Variants in PCDHGA2 observed in about 807,000 individuals in gnomAD.
PCDHGA2 encodes protocadherin gamma-A2.
Under a neutral mutation model 59.2 loss-of-function variants are expected in PCDHGA2, and 40 were observed. That is an observed-to-expected ratio of 0.68 (90% CI 0.52 to 0.88). PCDHGA2 has a LOEUF of 0.88. Among genes scored for constraint, PCDHGA2 ranks in the 40% least tolerant of loss-of-function variants. The pLI is 0.00. For missense variants in PCDHGA2, 1,226 were observed against 1,204.0 expected (o/e 1.02, Z -0.27); for synonymous variants, 560 against 526.0 (o/e 1.06, Z -0.89).
chr5:141,412,942 A>G, intron 1 of PCDHGA2: 1 of 465,476 alleles, frequency 2.1e-6, no homozygotes, highest in Non-Finnish European at 3.8e-6. Flanking sequence ...TAGGACTCTG[A>G]GCGCCGCTGT....
At chr5:141,406,346 G>T (rs1296474677) in intron 1 of PCDHGA2, among the ~76,000 whole-genome samples, 2 of 152,092 alleles carry the variant, frequency 1.3e-5, no homozygotes, top group Non-Finnish European at 2.9e-5. Flanking sequence ...ATTTATTCAG[G>T]TCATACTATG....
rs773749954 is a variant in PCDHGA2, at chr5:141,339,245, CG to C, written c.277del (p.Glu93ArgfsTer12). The C allele has an allele frequency of 2.4e-5, 38 of 1,614,202 alleles. No homozygotes were observed. In the East Asian group the frequency reaches 8.0e-4, roughly 34 times the overall value. On this transcript the variant is annotated frameshift_variant, in exon 1 of 4. Coordinates refer to ENST00000394576, the MANE Select transcript of PCDHGA2 (RefSeq NM_018915.4). LOFTEE classifies it high-confidence loss of function. ...CTTGGTCACTGCGAACAGGATAGAC[CG>C]GGAGGAGCTCTGCGCTCAGAGCGCA... ...GSLVTANRID[R>X]EELCAQSAPC...
At chr5:141,415,114 G>T in intron 1 of PCDHGA2, 5 of 1,613,648 alleles carry the variant, frequency 3.1e-6, no homozygotes, top group Non-Finnish European at 4.2e-6. Flanking sequence ...GCAAAGCCTC[G>T]TAGTGGCCGT....
chr5:141,414,526 G>T, intron 1 of PCDHGA2: 1 of 1,613,912 alleles, frequency 6.2e-7, no homozygotes, highest in Non-Finnish European at 8.5e-7. Flanking sequence ...AGATATCAAT[G>T]ACAACCCACC....
intron 1 of PCDHGA2, chr5:141,387,914 G>A (rs1379719736): frequency 1.5e-5 from 22 of 1,487,626 alleles, no homozygotes; most frequent in Non-Finnish European, 1.8e-5. Context: ...AGCTGGGCCG[G>A]GCTGAGAGGC....
At chr5:141,355,427 C>A (rs778595998) in intron 1 of PCDHGA2, 1 of 1,614,082 alleles carries the variant, frequency 6.2e-7, no homozygotes, top group Admixed American at 1.7e-5. Flanking sequence ...CAGCTTTTCG[C>A]CCTGAACCCG....
At chr5:141,492,778 G>A (rs2099743821) in intron 1 of PCDHGA2, among the ~76,000 whole-genome samples, 1 of 152,250 alleles carries the variant, frequency 6.6e-6, no homozygotes, top group South Asian at 2.1e-4. Context: ...GAGTGAGTGA[G>A]CCTCTATAGG....
At chr5:141,355,219 C>G (rs768131751) in intron 1 of PCDHGA2, 1 of 1,605,766 alleles carries the variant, frequency 6.2e-7, no homozygotes, top group Middle Eastern at 2.0e-4. Context: ...GCCTCCTGCT[C>G]GCCCAGACCA....
At chr5:141,410,047 A>G in intron 1 of PCDHGA2, 1 of 1,612,420 alleles carries the variant, frequency 6.2e-7, no homozygotes. Flanking sequence ...GTGAGCCCGG[A>G]CTCTTCAGCC....
At position 141,340,710 on chromosome 5, in the gene PCDHGA2, G is replaced by A. The variant is rs899548456; in HGVS notation, c.1739G>A (p.Arg580His). 1.1e-5 allele frequency: 18 copies of A among 1,614,102 alleles called. No individual in the cohort carries two copies. Among genetic ancestry groups the A allele is most frequent in the East Asian group, 2.2e-5 (1 of 44,856 alleles). ...DGSTGVELAP[R>H]SAEPGYLVTK... ...TCCACTGGCGTGGAGCTGGCGCCCC[G>A]CTCCGCAGAGCCCGGCTACCTGGTG... Residue 580 changes from arginine (R) to histidine (H), a missense_variant, in exon 1 of 4, where the codon CGC becomes CAC. Physicochemically the swap from Arg to His is conservative, Grantham distance 29. Coordinates refer to ENST00000394576, the MANE Select transcript of PCDHGA2 (RefSeq NM_018915.4).
At chr5:141,404,623 C>T in intron 1 of PCDHGA2, 3 of 1,614,154 alleles carry the variant, frequency 1.9e-6, no homozygotes, top group Non-Finnish European at 2.5e-6. Context: ...ACCAGAATGA[C>T]AATGCCCCAG....
chr5:141,414,318 G>A (rs1212643655), intron 1 of PCDHGA2: 1 of 1,613,772 alleles, frequency 6.2e-7, no homozygotes, highest in Non-Finnish European at 8.5e-7. Context: ...TAGACTCTGA[G>A]CAGAATGGAC....
chr5:141,408,889 A>G, intron 1 of PCDHGA2: 1 of 1,613,232 alleles, frequency 6.2e-7, no homozygotes, highest in Non-Finnish European at 8.5e-7. Flanking sequence ...CTCACATAGA[A>G]ATTTCTGTCA....
chr5:141,486,409 C>G lies in PCDHGA2; in HGVS notation c.2425-8398C>G, dbSNP rs1396288134. On this transcript the variant is annotated intron_variant, in intron 1 of 3. Coordinates refer to ENST00000394576, the MANE Select transcript of PCDHGA2 (RefSeq NM_018915.4). The surrounding 1 kb of genome is among the most constrained non-coding windows in gnomAD (Gnocchi z 5.0). Reference sequence around the variant, plus strand: ...AGTTCTCCCTGGTGACTGCTGGACCCTTGGATCGAGAGGCCAAATCTAGCT... The same window carrying G: ...AGTTCTCCCTGGTGACTGCTGGACCGTTGGATCGAGAGGCCAAATCTAGCT... 6.2e-7 allele frequency: 1 copy of G among 1,614,170 alleles called. No individual in the cohort carries two copies. Among genetic ancestry groups the G allele is most frequent in the East Asian group, 2.2e-5 (1 of 44,874 alleles).
chr5:141,414,351 G>A (rs771256149), intron 1 of PCDHGA2: 16 of 1,613,676 alleles, frequency 9.9e-6, no homozygotes, highest in South Asian at 6.6e-5. Flanking sequence ...CCATTTTGGC[G>A]TATCTACCAT....
At chr5:141,345,902 G>C (rs756300628) in intron 1 of PCDHGA2, 18 of 1,611,582 alleles carry the variant, frequency 1.1e-5, no homozygotes, top group African/African-American at 1.3e-5. Flanking sequence ...GTCTGCACAC[G>C]GGCGAGGTGC....
At chr5:141,419,385 C>T (rs753470433) in intron 1 of PCDHGA2, 6 of 1,613,686 alleles carry the variant, frequency 3.7e-6, no homozygotes, top group Admixed American at 1.7e-5. Context: ...TCCGTGAGCG[C>T]GCAGAGCGGG....
intron 1 of PCDHGA2, among the ~76,000 whole-genome samples, chr5:141,444,359 C>T (rs942218966): frequency 7.9e-5 from 12 of 151,582 alleles, no homozygotes; most frequent in East Asian, 7.7e-4. Context: ...TTAGTAGAGA[C>T]GGGGTTTCTC....
At chr5:141,360,394 A>C (rs768829588) in intron 1 of PCDHGA2, 71 of 1,613,814 alleles carry the variant, frequency 4.4e-5, no homozygotes, top group Non-Finnish European at 5.8e-5. Flanking sequence ...CTTACTTGTG[A>C]GTGACAGAAT....
Sources: allele counts gnomAD v4.1 joint callset (sites outside exome capture counted in the v4.1 genomes callset), GRCh38; gene constraint gnomAD v4.1.1; non-coding constraint Gnocchi (gnomAD v3.1); transcripts MANE v1.5; gene names NCBI Gene and HGNC (gene_info 2026-07-23, HGNC 2026-07-21).